Variants in WDR27 observed in about 807,000 individuals in gnomAD.
The protein encoded by WDR27 is WD repeat-containing protein 27.
Under a neutral mutation model 114.4 loss-of-function variants are expected in WDR27, and 100 were observed. The observed-to-expected ratio is 0.87, with a 90% CI of 0.74 to 1.03. WDR27 has a LOEUF of 1.03. Among genes scored for constraint, WDR27 ranks in the 50% least tolerant of loss-of-function variants. The pLI is 0.00. For missense variants in WDR27, 1,129 were observed against 1,092.9 expected, an observed-to-expected ratio of 1.03 and a Z score of -0.47; for synonymous variants, 449 against 423.1, an observed-to-expected ratio of 1.06 and a Z score of -0.75.
intron 18 of WDR27, among the ~76,000 whole-genome samples, chr6:169,637,832 T>C (rs967239812): frequency 6.6e-6 from 1 of 151,966 alleles, no homozygotes; most frequent in African/African-American, 2.4e-5. Flanking sequence ...AGTGTGCGTA[T>C]GTGTATGCAT....
At chr6:169,682,679 A>C (rs1412265739) in intron 2 of WDR27, among the ~76,000 whole-genome samples, 1 of 152,194 alleles carries the variant, frequency 6.6e-6, no homozygotes. Flanking sequence ...CCACATGTCC[A>C]CAAGCATCAG....
intron 25 of WDR27, among the ~76,000 whole-genome samples, chr6:169,467,124 C>T (rs1473918823): frequency 2.6e-5 from 4 of 152,210 alleles, no homozygotes; most frequent in Non-Finnish European, 2.9e-5. Context: ...CCCAGTCATG[C>T]TCATTAGAGG....
intron 22 of WDR27, among the ~76,000 whole-genome samples, chr6:169,609,569 G>C (rs578035944): frequency 3.3e-5 from 5 of 152,296 alleles, no homozygotes; most frequent in South Asian, 2.1e-4. Flanking sequence ...GGGACACAGG[G>C]CACCAAGTCC....
chr6:169,471,603 C>T (rs189030972), intron 25 of WDR27, among the ~76,000 whole-genome samples: 4 of 152,272 alleles, frequency 2.6e-5, no homozygotes, highest in Admixed American at 2.0e-4. Context: ...AAAAGAACCA[C>T]AGTGGTATGA....
chr6:169,529,192 C>G (rs755623146), intron 25 of WDR27, among the ~76,000 whole-genome samples: 1 of 151,382 alleles, frequency 6.6e-6, no homozygotes, highest in Non-Finnish European at 1.5e-5. Context: ...ACAGTATTTG[C>G]ACTAGAATCT....
At chr6:169,693,212 T>G (rs1784956750) in intron 1 of WDR27, among the ~76,000 whole-genome samples, 1 of 152,080 alleles carries the variant, frequency 6.6e-6, no homozygotes, top group Non-Finnish European at 1.5e-5. Flanking sequence ...AAAATGATTG[T>G]CAGCTAAGAA....
At chr6:169,506,641 G>C (rs1484785376) in intron 25 of WDR27, among the ~76,000 whole-genome samples, 1 of 152,210 alleles carries the variant, frequency 6.6e-6, no homozygotes, top group East Asian at 1.9e-4. Flanking sequence ...GGTCATTACA[G>C]ATTAGCTGTA....
chr6:169,633,130 C>T, intron 20 of WDR27, 62 bp from the exon 21 acceptor site: 1 of 1,490,702 alleles, frequency 6.7e-7, no homozygotes, highest in Non-Finnish European at 9.0e-7. Context: ...GGGACAGTTC[C>T]CTCTCTTTTA....
intron 25 of WDR27, among the ~76,000 whole-genome samples, chr6:169,545,094 A>T (rs1797291913): frequency 6.6e-6 from 1 of 152,230 alleles, no homozygotes; most frequent in Admixed American, 6.5e-5. Flanking sequence ...GCCCTACAAT[A>T]GCTAAAACTT....
chr6:169,562,836 G>A (rs1799863236), intron 25 of WDR27, among the ~76,000 whole-genome samples: 2 of 152,182 alleles, frequency 1.3e-5, no homozygotes, highest in South Asian at 4.1e-4. Flanking sequence ...ATGAGATAGA[G>A]GATGAGCTTG....
At chr6:169,630,303 C>T (rs1330844654) in intron 21 of WDR27, among the ~76,000 whole-genome samples, 1 of 152,200 alleles carries the variant, frequency 6.6e-6, no homozygotes. Flanking sequence ...TTTACATCTA[C>T]TTTCTTATAC....
At position 169,659,574 on chromosome 6, in the gene WDR27, C is replaced by T. The variant is rs1478752515; in HGVS notation, c.1130-56G>A. ...GATGGGGAGGGAGGTAGCACATACA[C>T]ACGGAGTCACTGCCCAGAGCCCACC... On this transcript the variant is annotated intron_variant, in intron 10 of 25. Transcript: ENST00000448612. The surrounding 1 kb of genome is among the most constrained non-coding windows in gnomAD (Gnocchi z 4.3). The T allele has an allele frequency of 8.5e-6, 13 of 1,526,118 alleles. No homozygotes were observed. In the Admixed American group the frequency reaches 2.5e-4, roughly 29 times the overall value. 94.5% of individuals were successfully genotyped at this position (1,526,118 alleles called of 1,614,324 possible).
rs556063554 is a variant in WDR27, at chr6:169,469,563, G to T, written c.2646-11929C>A. Among the ~76,000 whole-genome samples, 11 of 152,334 alleles carry T rather than the reference G, an allele frequency of 7.2e-5. No individual in the cohort carries two copies. The East Asian group carries it at 1.4e-3, about 19-fold the overall frequency. ...CTGACCCACTAAAGCCAGACAAGCTGTACCCTGTGAAACCAAATGGGAATT... is the reference window on the plus strand; with the variant it reads ...CTGACCCACTAAAGCCAGACAAGCTTTACCCTGTGAAACCAAATGGGAATT... On this transcript the variant is annotated intron_variant, in intron 25 of 25. Coordinates refer to ENST00000448612, the MANE Select transcript of WDR27 (RefSeq NM_182552.5).
Position 169,464,242 on chromosome 6 carries a change from C to G in WDR27, c.2646-6608G>C, listed in dbSNP as rs576141076. 2.0e-5 allele frequency among the ~76,000 whole-genome samples: 3 copies of G among 152,198 alleles called. No homozygotes were observed. The East Asian group carries it at 5.8e-4, about 29-fold the overall frequency. On this transcript the variant is annotated intron_variant, in intron 25 of 25. Transcript: ENST00000448612. ...AAGGTAAACTTTCACATATATGGGTCAAATTATTTTTGAGAAGGGCTCCAA... is the reference window on the plus strand; with the variant it reads ...AAGGTAAACTTTCACATATATGGGTGAAATTATTTTTGAGAAGGGCTCCAA...
intron 25 of WDR27, among the ~76,000 whole-genome samples, chr6:169,457,973 C>CAGAGGAGGA (rs1554262692): frequency 8.9e-6 from 1 of 111,740 alleles, no homozygotes; most frequent in African/African-American, 3.7e-5. Flanking sequence ...GCACTCCTGA[C>CAGAGGAGGA]GGAGGAGGAG....
At chr6:169,427,514 C>T in the WDR27 span, among the ~76,000 whole-genome samples, 2 of 152,158 alleles carry the variant, frequency 1.3e-5, no homozygotes, top group South Asian at 2.1e-4. Flanking sequence ...GTGAAATCAT[C>T]TCAGATCCAG....
chr6:169,485,547 T>C (rs1204732614), intron 25 of WDR27, among the ~76,000 whole-genome samples: 1 of 152,198 alleles, frequency 6.6e-6, no homozygotes, highest in African/African-American at 2.4e-5. Flanking sequence ...GGAACGCTTA[T>C]ACACTGTTGG....
chr6:169,486,258 C>T (rs1788871938), intron 25 of WDR27, among the ~76,000 whole-genome samples: 1 of 151,592 alleles, frequency 6.6e-6, no homozygotes, highest in African/African-American at 2.4e-5. Flanking sequence ...ATTAGTTTAG[C>T]CACTGTGGAA....
In WDR27 at chr6:169,672,069, C is replaced by T. The variant is rs970462322; in HGVS notation, c.331+186G>A. On this transcript the variant is annotated intron_variant, in intron 3 of 25. Coordinates refer to ENST00000448612, the MANE Select transcript of WDR27 (RefSeq NM_182552.5). ...GTCCGTAAGTCTGAATGGCCTGGGGCCCTTCCCATATAAAGCGCCTGCTTG... is the reference window on the plus strand; with the variant it reads ...GTCCGTAAGTCTGAATGGCCTGGGGTCCTTCCCATATAAAGCGCCTGCTTG... 1.3e-5 allele frequency: 7 copies of T among 525,998 alleles called. No individual in the cohort carries two copies. The South Asian group carries it at 2.0e-4, about 15-fold the overall frequency. The allele number at this position is 525,998 out of a possible 1,614,324, so 32.6% of individuals were successfully genotyped here.
Sources: allele counts gnomAD v4.1 joint callset (sites outside exome capture counted in the v4.1 genomes callset), GRCh38; gene constraint gnomAD v4.1.1; non-coding constraint Gnocchi (gnomAD v3.1); transcripts MANE v1.5; gene names NCBI Gene and HGNC (gene_info 2026-07-23, HGNC 2026-07-21).